The following SCNN1D variants were observed in gnomAD, a reference collection of about 807,000 sequenced individuals.
The protein encoded by SCNN1D is epithelial sodium channel subunit delta.
Under a neutral mutation model 87.8 loss-of-function variants are expected in SCNN1D, and 104 were observed. The ratio of observed to expected loss-of-function variants is 1.18; its 90% CI spans 1.01 to 1.39. The LOEUF is 1.39. Among genes scored for constraint, SCNN1D ranks in the 40% most tolerant of loss-of-function variants. The pLI is 0.00. For missense variants in SCNN1D, 1,324 were observed against 1,093.9 expected, an observed-to-expected ratio of 1.21 and a Z score of -2.97; for synonymous variants, 628 against 481.2, an observed-to-expected ratio of 1.31 and a Z score of -3.99.
chr1:1,283,655 G>A (rs111348156), intron 4 of SCNN1D, among the ~76,000 whole-genome samples: 2,488 of 152,146 alleles, frequency 0.016, 66 homozygotes, highest in African/African-American at 0.054. Context: ...CCTAGATCGT[G>A]CCATTGCACT....
intron 12 of SCNN1D, among the ~76,000 whole-genome samples, chr1:1,289,725 TCC>T (rs764713978): frequency 6.1e-3 from 6 of 984 alleles, no homozygotes; most frequent in African/African-American, 0.017. Context: ...CCCTGCTCCG[TCC>T]CCCGTGTCTC....
In SCNN1D at chr1:1,283,982, CCA is replaced by C. The variant is rs574817957; in HGVS notation, c.357_358del (p.Gly121LeufsTer151). On this transcript the variant is annotated frameshift_variant, in exon 5 of 18. Coordinates refer to ENST00000379116, the MANE Select transcript of SCNN1D (RefSeq NM_001130413.4). LOFTEE classifies it high-confidence loss of function. The stretch of plus-strand genomic sequence containing the variant: ...CAGCCAGCCTGTTTTAAATAGGAGG[CCA>C]GAGGCTCCATCCTGCTTCAGAGCTG... 1.1e-4 allele frequency: 161 copies of C among 1,457,092 alleles called. No individual in the cohort carries two copies. In the African/African-American group the frequency reaches 2.4e-3, roughly 21 times the overall value. The allele number at this position is 1,457,092 out of a possible 1,614,324, so 90.3% of individuals were successfully genotyped here. A position where few individuals can be genotyped will look rare whatever the true frequency, so the allele number is the denominator to read the frequency against.
At chr1:1,284,327 G>GGTGGGGGA (rs1640539662) in intron 5 of SCNN1D, among the ~76,000 whole-genome samples, 1 of 117,368 alleles carries the variant, frequency 8.5e-6, no homozygotes, top group African/African-American at 3.2e-5. Flanking sequence ...GGGGTGGGGG[G>GGTGGGGGA]GTGGGGCTGG....
chr1:1,291,612 C>A lies in SCNN1D; in HGVS notation c.*2C>A, dbSNP rs960137496. The A allele has an allele frequency of 1.3e-6, 2 of 1,517,204 alleles. No individual in the cohort carries two copies. Among genetic ancestry groups the A allele is most frequent in the African/African-American group, 2.8e-5 (2 of 71,790 alleles). The allele number at this position is 1,517,204 out of a possible 1,614,324, so 94.0% of individuals were successfully genotyped here. ...CCCCTTGAGACTCTGGACACCTGAA[C>A]CAGACCTGCCAGGGCTGTGCGATCT... is the stretch of plus-strand genomic sequence containing the variant. On this transcript the variant is annotated 3_prime_UTR_variant, in exon 18 of 18. Transcript: ENST00000379116.
Position 1,286,042 on chromosome 1 carries a change from C to T in SCNN1D, c.675C>T (p.Thr225=), listed in dbSNP as rs369205368. ...CCGCCTCGTTCCGGGAGCTGCTCAC[C>T]TTCTTCTGCACCAATGCCACCATCC... ...ELPASFRELL[T]FFCTNATIHG... Residue 225 remains threonine, a synonymous_variant, in exon 7 of 18, where the codon ACC becomes ACT. Coordinates refer to ENST00000379116, the MANE Select transcript of SCNN1D (RefSeq NM_001130413.4). 3.2e-6 allele frequency: 5 copies of T among 1,580,718 alleles called. No individual in the cohort carries two copies. Among genetic ancestry groups the T allele is most frequent in the Admixed American group, 3.6e-5 (2 of 55,098 alleles).
chr1:1,291,755 C>G lies in SCNN1D; in HGVS notation c.*145C>G. 1 of 581,546 alleles carries G rather than the reference C, an allele frequency of 1.7e-6. No individual in the cohort carries two copies. Among genetic ancestry groups the G allele is most frequent in the Non-Finnish European group, 2.8e-6 (1 of 352,522 alleles). 36.0% of individuals were successfully genotyped at this position (581,546 alleles called of 1,614,324 possible). A position where few individuals can be genotyped will look rare whatever the true frequency, so the allele number is the denominator to read the frequency against. Reference sequence around the variant, plus strand: ...GTGGGGAGGCAGGCACCGGGCATGTCGGCGCCTCTGGTCAAACCACCTACA... The same window carrying G: ...GTGGGGAGGCAGGCACCGGGCATGTGGGCGCCTCTGGTCAAACCACCTACA... On this transcript the variant is annotated 3_prime_UTR_variant, in exon 18 of 18. Transcript: ENST00000379116.
At chr1:1,284,639 C>T (rs931010329) in intron 5 of SCNN1D, among the ~76,000 whole-genome samples, 6 of 151,768 alleles carry the variant, frequency 4.0e-5, no homozygotes, top group African/African-American at 1.5e-4. Context: ...ACTGGGGGTG[C>T]ACAGTGTGTG....
chr1:1,280,445 C>T lies in SCNN1D; in HGVS notation c.-217C>T, dbSNP rs1255220762. 7.0e-6 allele frequency: 3 copies of T among 426,856 alleles called. No individual in the cohort carries two copies. Among genetic ancestry groups the T allele is most frequent in the African/African-American group, 6.2e-5 (3 of 48,778 alleles). The allele number at this position is 426,856 out of a possible 1,614,324, so 26.4% of individuals were successfully genotyped here. Reference sequence around the variant, plus strand: ...CGCCACTGCCCTCCAGCCTGGGCGACAGCGAGACTCCATCTCAATAAATAA... The same window carrying T: ...CGCCACTGCCCTCCAGCCTGGGCGATAGCGAGACTCCATCTCAATAAATAA... On this transcript the variant is annotated 5_prime_UTR_variant, in exon 1 of 18. Coordinates refer to ENST00000379116, the MANE Select transcript of SCNN1D (RefSeq NM_001130413.4).
At chr1:1,287,070 G>T (rs1052312775) in intron 8 of SCNN1D, 39 bp from the exon 9 acceptor site, 5 of 1,578,860 alleles carry the variant, frequency 3.2e-6, no homozygotes, top group Non-Finnish European at 4.3e-6. Context: ...CGGGGCCTGG[G>T]CTGTAGCCAC....
At chr1:1,287,072 T>C (rs1640609229) in intron 8 of SCNN1D, 37 bp from the exon 9 acceptor site, 1 of 1,579,234 alleles carries the variant, frequency 6.3e-7, no homozygotes, top group Non-Finnish European at 8.6e-7. Context: ...GGGCCTGGGC[T>C]GTAGCCACAG....
chr1:1,280,483 G>T lies in SCNN1D; in HGVS notation c.-179G>T, dbSNP rs888802846. On this transcript the variant is annotated 5_prime_UTR_variant, in exon 1 of 18. Coordinates refer to ENST00000379116, the MANE Select transcript of SCNN1D (RefSeq NM_001130413.4). ...TCTCAATAAATAAAAAAAAAAAAGAGTTGTTATCAGTAGAAGGGAATGTCT... is the reference window on the plus strand; with the variant it reads ...TCTCAATAAATAAAAAAAAAAAAGATTTGTTATCAGTAGAAGGGAATGTCT... The T allele has an allele frequency of 6.2e-5, 30 of 485,746 alleles. No individual in the cohort carries two copies. Among genetic ancestry groups the T allele is most frequent in the Non-Finnish European group, 1.0e-4 (28 of 269,144 alleles). The allele number at this position is 485,746 out of a possible 1,614,324, so 30.1% of individuals were successfully genotyped here.
chr1:1,282,821 C>T (rs908199507), intron 4 of SCNN1D, among the ~76,000 whole-genome samples: 6 of 151,070 alleles, frequency 4.0e-5, no homozygotes, highest in Admixed American at 1.3e-4. Flanking sequence ...GGCACGATCT[C>T]GGCTCACTGC....
Position 1,290,886 on chromosome 1 carries a change from C to T in SCNN1D, c.1918-9C>T, listed in dbSNP as rs960489461. The T allele has an allele frequency of 5.6e-6, 9 of 1,609,608 alleles. No homozygotes were observed. Among genetic ancestry groups the T allele is most frequent in the Middle Eastern group, 1.8e-4 (1 of 5,504 alleles). ...GGAGCCGTGGCCACAGCAAACCTTC[C>T]GTCTGCAGGGATGGACTCTGGCCAC... On this transcript the variant is annotated splice_polypyrimidine_tract_variant and intron_variant, in intron 15 of 17. Coordinates refer to ENST00000379116, the MANE Select transcript of SCNN1D (RefSeq NM_001130413.4).
rs1570608006 is a variant in SCNN1D, at chr1:1,288,135, G to C, written c.1662+98G>C. On this transcript the variant is annotated intron_variant, in intron 12 of 17. Transcript: ENST00000379116. ...GGGGGAGGGGTCTGGGAGAGTACTA[G>C]AGGGCCTGGGAACGGGGCAGTCCCC... 12 of 902,796 alleles carry C rather than the reference G, an allele frequency of 1.3e-5. No homozygotes were observed. The South Asian group carries it at 2.0e-4, about 15-fold the overall frequency. 55.9% of individuals were successfully genotyped at this position (902,796 alleles called of 1,614,324 possible). A position where few individuals can be genotyped will look rare whatever the true frequency, so the allele number is the denominator to read the frequency against.
At position 1,291,381 on chromosome 1, in the gene SCNN1D, G is replaced by GC. The variant is rs1557588431; in HGVS notation, c.2182dup (p.Arg728ProfsTer38). Reference sequence around the variant, plus strand: ...GCCCTCACCCTGGTGCTAGGCGGCCGCCGGCTCCGCAGGGCGTGGTTCTCC... The same window carrying GC: ...GCCCTCACCCTGGTGCTAGGCGGCCGCCCGGCTCCGCAGGGCGTGGTTCTCC... On this transcript the variant is annotated frameshift_variant, in exon 18 of 18. Transcript: ENST00000379116. LOFTEE classifies it low-confidence loss of function (END_TRUNC). The GC allele has an allele frequency of 6.2e-7, 1 of 1,608,302 alleles. No homozygotes were observed. The highest frequency in any genetic ancestry group is 8.5e-7 in the Non-Finnish European group (1 of 1,178,462).
intron 5 of SCNN1D, among the ~76,000 whole-genome samples, 189 bp downstream of exon 5, chr1:1,284,279 C>T (rs1206823544): frequency 3.6e-5 from 3 of 84,294 alleles, no homozygotes; most frequent in Non-Finnish European, 2.3e-5. Context: ...TGGGGGGACC[C>T]GCCTCGAGGT....
At position 1,280,676 on chromosome 1, in the gene SCNN1D, A is replaced by T; in HGVS notation, c.5+10A>T. On this transcript the variant is annotated intron_variant, in intron 1 of 17. Transcript: ENST00000379116. ...AGGGAGGAGGCATGAGGTGCGTCCG[A>T]CTCCCTTCCCATCACAGCTGAGCTA... 3 of 700,004 alleles carry T rather than the reference A, an allele frequency of 4.3e-6. No individual in the cohort carries two copies. The highest frequency in any genetic ancestry group is 7.8e-6 in the Non-Finnish European group (3 of 383,746). 43.4% of individuals were successfully genotyped at this position (700,004 alleles called of 1,614,324 possible). A position where few individuals can be genotyped will look rare whatever the true frequency, so the allele number is the denominator to read the frequency against.
chr1:1,288,091 G>C (rs1640646250), intron 12 of SCNN1D, 54 bp downstream of exon 12: 1 of 1,216,276 alleles, frequency 8.2e-7, no homozygotes, highest in African/African-American at 1.5e-5. Flanking sequence ...GCTGGCCAGG[G>C]GGTGTGGGCG....
intron 5 of SCNN1D, among the ~76,000 whole-genome samples, chr1:1,284,755 G>C (rs755438115): frequency 3.3e-5 from 5 of 152,072 alleles, no homozygotes; most frequent in African/African-American, 4.8e-5. Flanking sequence ...CACATGGCAC[G>C]ACGCAGATCC....
Sources: allele counts gnomAD v4.1 joint callset (sites outside exome capture counted in the v4.1 genomes callset), GRCh38; gene constraint gnomAD v4.1.1; transcripts MANE v1.5; gene names NCBI Gene and HGNC (gene_info 2026-07-23, HGNC 2026-07-21).